The following MYLK4 variants were observed in gnomAD, a reference collection of about 807,000 sequenced individuals.
MYLK4 encodes caMLCK like.
MYLK4 carries 46 observed loss-of-function variants against 48.1 expected under a neutral mutation model. The ratio of observed to expected loss-of-function variants is 0.96; its 90% confidence interval spans 0.75 to 1.22. MYLK4 has a LOEUF of 1.22. MYLK4 is among the 50% of genes most tolerant of loss of function. MYLK4 has a pLI of 0.00. For synonymous variants in MYLK4, 170 were observed against 180.8 expected (o/e 0.94, Z 0.48); for missense variants, 451 against 486.1 (o/e 0.93, Z 0.68).
chr6:2,750,305 C>T (rs1198302552), intron 1 of MYLK4, among the ~76,000 whole-genome samples: 1 of 152,132 alleles, frequency 6.6e-6, no homozygotes, highest in Admixed American at 6.5e-5. Context: ...CTCTTGAGTT[C>T]CAAAGTGTTT....
intron 6 of MYLK4, among the ~76,000 whole-genome samples, chr6:2,684,719 T>G (rs1761459816): frequency 6.6e-6 from 1 of 152,170 alleles, no homozygotes; most frequent in Non-Finnish European, 1.5e-5. Flanking sequence ...AGTCTAGAGA[T>G]TATTTAAAGT....
At chr6:2,686,232 C>T (rs575132306) in intron 4 of MYLK4, among the ~76,000 whole-genome samples, 34 of 152,312 alleles carry the variant, frequency 2.2e-4, no homozygotes, top group African/African-American at 7.7e-4. Context: ...TTGAGAACCA[C>T]CTTTACAGAC....
the MYLK4 span, among the ~76,000 whole-genome samples, chr6:2,763,684 C>G: frequency 6.6e-6 from 1 of 152,258 alleles, no homozygotes; most frequent in African/African-American, 2.4e-5. Context: ...GGAGCCAGCT[C>G]CGGCCTTGGC....
intron 2 of MYLK4, among the ~76,000 whole-genome samples, chr6:2,733,470 T>C (rs1017312501): frequency 5.3e-5 from 8 of 152,292 alleles, no homozygotes; most frequent in African/African-American, 1.2e-4. Flanking sequence ...AAAATGAGCA[T>C]GGAGTGTTCA....
At chr6:2,720,270 G>A (rs1763022814) in intron 2 of MYLK4, among the ~76,000 whole-genome samples, 1 of 152,114 alleles carries the variant, frequency 6.6e-6, no homozygotes, top group Non-Finnish European at 1.5e-5. Flanking sequence ...CGGGCGTGAT[G>A]GCTGGCACCT....
chr6:2,680,545 C>A, intron 7 of MYLK4: 1 of 985,408 alleles, frequency 1.0e-6, no homozygotes, highest in South Asian at 4.7e-5. Flanking sequence ...TGAGTTCAGG[C>A]AGAGGCCTTG....
At chr6:2,745,085 C>CGGGCCTCAGGAGCA (rs946783768) in intron 2 of MYLK4, among the ~76,000 whole-genome samples, 1 of 152,068 alleles carries the variant, frequency 6.6e-6, no homozygotes, top group Non-Finnish European at 1.5e-5. Flanking sequence ...CAGACAACCC[C>CGGGCCTCAGGAGCA]GGGCCTCAGG....
intron 2 of MYLK4, among the ~76,000 whole-genome samples, chr6:2,735,346 A>T (rs1582114387): frequency 6.6e-6 from 1 of 150,830 alleles, no homozygotes; most frequent in South Asian, 2.1e-4. Context: ...TGATTCTGCC[A>T]GTCTAGAAAT....
chr6:2,726,787 A>G (rs892880788), intron 2 of MYLK4, among the ~76,000 whole-genome samples: 2 of 151,572 alleles, frequency 1.3e-5, no homozygotes, highest in African/African-American at 4.9e-5. Flanking sequence ...TAATTTTTTT[A>G]TTTTTAGTAG....
At chr6:2,765,765 C>T in the MYLK4 span, 3 of 1,472,458 alleles carry the variant, frequency 2.0e-6, no homozygotes, top group East Asian at 3.0e-5. Flanking sequence ...GCGGGGCACG[C>T]GGAGCCCGCG....
rs1265773001 is a variant in MYLK4 at position 2,666,725 on chromosome 6, C to A, written c.*1200G>T. On this transcript the variant is annotated 3_prime_UTR_variant, in exon 13 of 13. Coordinates refer to ENST00000274643, the MANE Select transcript of MYLK4 (RefSeq NM_001012418.5). ...CATTTCGCTCTTTAAAGCCCAGTGC[C>A]TTTCTGGGCCCCATAAGCTGTCTAC... The A allele has an allele frequency of 6.6e-6, 1 of 152,208 alleles. No homozygotes were observed. Among genetic ancestry groups the A allele is most frequent in the Non-Finnish European group, 1.5e-5 (1 of 68,042 alleles). The allele number at this position is 152,208 out of a possible 1,614,324, so 9.4% of individuals were successfully genotyped here. A position where few individuals can be genotyped will look rare whatever the true frequency, so the allele number is the denominator to read the frequency against.
intron 2 of MYLK4, among the ~76,000 whole-genome samples, chr6:2,703,984 T>A (rs1453697471): frequency 6.6e-6 from 1 of 152,174 alleles, no homozygotes; most frequent in Non-Finnish European, 1.5e-5. Flanking sequence ...CCATATGTTC[T>A]ACCTAAAGAG....
the MYLK4 span, among the ~76,000 whole-genome samples, chr6:2,757,240 C>A: frequency 6.6e-6 from 1 of 151,802 alleles, no homozygotes; most frequent in Non-Finnish European, 1.5e-5. Flanking sequence ...TTTTATTCTA[C>A]ATGTCCAAAA....
intron 9 of MYLK4, 69 bp downstream of exon 9, chr6:2,679,211 A>T: frequency 9.5e-6 from 15 of 1,582,972 alleles, no homozygotes; most frequent in Non-Finnish European, 1.3e-5. Flanking sequence ...GCTTTTATTT[A>T]AAACGGCAAA....
the MYLK4 span, chr6:2,766,196 G>A: frequency 2.8e-6 from 4 of 1,406,038 alleles, no homozygotes; most frequent in African/African-American, 1.5e-5. Flanking sequence ...CTGGGACGCG[G>A]ACGCTGCCGA....
chr6:2,727,256 A>T (rs1763309374), intron 2 of MYLK4, among the ~76,000 whole-genome samples: 1 of 152,238 alleles, frequency 6.6e-6, no homozygotes, highest in Non-Finnish European at 1.5e-5. Context: ...AGCCTTCAAC[A>T]TAAAAACCTG....
At chr6:2,719,349 G>A (rs1231129122) in intron 2 of MYLK4, among the ~76,000 whole-genome samples, 1 of 152,136 alleles carries the variant, frequency 6.6e-6, no homozygotes, top group Non-Finnish European at 1.5e-5. Flanking sequence ...TCTGTAAACT[G>A]GAAGGGTAAG....
In MYLK4 at chr6:2,678,349, A is replaced by T; in HGVS notation, c.911T>A (p.Leu304Gln). The T allele has an allele frequency of 2.5e-6, 4 of 1,613,996 alleles. No individual in the cohort carries two copies. The highest frequency in any genetic ancestry group is 3.4e-6 in the Non-Finnish European group (4 of 1,180,022). Residue 304 changes from leucine to glutamine, a missense_variant, in exon 10 of 13, where the codon CTG becomes CAG. Physicochemically the swap from Leu to Gln is moderately radical, Grantham distance 113. Transcript: ENST00000274643. ...CAGCGTCTCAGCATCATTGTCACCC[A>T]GGAAAGGCGACAAACCGCTAAGTCT... is the stretch of plus-strand genomic sequence containing the variant. ...YMLLSGLSPFLGDNDAETLNN... is the reference protein window; with the variant it reads ...YMLLSGLSPFQGDNDAETLNN...
intron 2 of MYLK4, among the ~76,000 whole-genome samples, chr6:2,717,146 C>T (rs955062562): frequency 5.9e-5 from 9 of 152,206 alleles, no homozygotes; most frequent in Non-Finnish European, 2.9e-5. Flanking sequence ...CTGAACTTTC[C>T]TTCCAGGAAC....
Sources: gnomAD v4.1 joint callset for allele counts (sites outside exome capture counted in the v4.1 genomes callset) on GRCh38, gnomAD v4.1.1 for gene constraint, MANE v1.5 for transcripts, NCBI Gene and HGNC (gene_info 2026-07-23, HGNC 2026-07-21) for gene names.